Variants in GNAQ observed in about 807,000 individuals in gnomAD.
The protein encoded by GNAQ is guanine nucleotide-binding protein G(q) subunit alpha.
A neutral mutation model predicts 43.9 loss-of-function variants in GNAQ; 8 were observed. That is an observed-to-expected ratio of 0.18 (90% CI 0.11 to 0.33). GNAQ has a LOEUF of 0.33. GNAQ is among the 10% of genes least tolerant of loss of function. The pLI, the probability that GNAQ is intolerant of heterozygous loss-of-function variation, is 1.00. For synonymous variants in GNAQ, 155 were observed against 170.7 expected (o/e 0.91, Z 0.71); for missense variants, 158 against 450.8 (o/e 0.35, Z 5.88).
chr9:77,822,306 A>G (rs1473624822), intron 2 of GNAQ, among the ~76,000 whole-genome samples: 1 of 152,224 alleles, frequency 6.6e-6, no homozygotes, highest in Non-Finnish European at 1.5e-5. Flanking sequence ...TTATACCAAC[A>G]AAACAACTCA....
intron 3 of GNAQ, among the ~76,000 whole-genome samples, chr9:77,812,473 C>T (rs1274421451): frequency 4.6e-5 from 7 of 151,984 alleles, no homozygotes; most frequent in Non-Finnish European, 5.9e-5. Context: ...CAATGAGATC[C>T]AGGAGCAAGC....
chr9:77,795,964 TAAGGAG>T (rs1826651833), intron 4 of GNAQ, among the ~76,000 whole-genome samples: 1 of 152,140 alleles, frequency 6.6e-6, no homozygotes, highest in Non-Finnish European at 1.5e-5. Flanking sequence ...TGCGAAGCAA[TAAGGAG>T]ATGAAAATCC....
chr9:77,722,283 C>A (rs983718007), intron 6 of GNAQ, among the ~76,000 whole-genome samples: 8 of 151,880 alleles, frequency 5.3e-5, no homozygotes, highest in African/African-American at 1.7e-4. Context: ...ATTACTGGTG[C>A]CTGCCATCAT....
intron 1 of GNAQ, among the ~76,000 whole-genome samples, chr9:77,945,320 A>C (rs1187499376): frequency 6.6e-6 from 1 of 152,134 alleles, no homozygotes; most frequent in Non-Finnish European, 1.5e-5. Context: ...TTTACTCAAA[A>C]AGTAAGAAAA....
intron 5 of GNAQ, among the ~76,000 whole-genome samples, chr9:77,759,271 A>G (rs1269245595): frequency 6.6e-6 from 1 of 152,216 alleles, no homozygotes; most frequent in African/African-American, 2.4e-5. Flanking sequence ...GTTCTCTAAT[A>G]TCCTTAAACA....
chr9:77,995,084 G>T (rs1014396597), intron 1 of GNAQ, among the ~76,000 whole-genome samples: 1 of 152,122 alleles, frequency 6.6e-6, no homozygotes, highest in Non-Finnish European at 1.5e-5. Flanking sequence ...TTCTAAAATC[G>T]AAGTTAACAT....
Position 77,762,588 on chromosome 9 carries a change from T to A in GNAQ, c.735+31875A>T, listed in dbSNP as rs1224249521. Among the ~76,000 whole-genome samples the A allele has an allele frequency of 2.6e-4, 39 of 149,018 alleles. No homozygotes were observed. In the East Asian group the frequency reaches 7.9e-3, roughly 30 times the overall value. On this transcript the variant is annotated intron_variant, in intron 5 of 6. Transcript: ENST00000286548. Reference sequence around the variant, plus strand: ...CCCTCTGCCCGGCCACCACCCCATCTGGGAGGTGTGACCAACAGCCCATTG... The same window carrying A: ...CCCTCTGCCCGGCCACCACCCCATCAGGGAGGTGTGACCAACAGCCCATTG...
intron 1 of GNAQ, among the ~76,000 whole-genome samples, chr9:77,969,885 T>G (rs751932219): frequency 2.6e-5 from 4 of 152,190 alleles, no homozygotes; most frequent in Non-Finnish European, 4.4e-5. Context: ...TTTCTCTAAC[T>G]CACCACCAAA....
chr9:77,844,552 A>T (rs1310636406), intron 2 of GNAQ, among the ~76,000 whole-genome samples: 1 of 152,232 alleles, frequency 6.6e-6, no homozygotes, highest in African/African-American at 2.4e-5. Context: ...TGAAAATCAC[A>T]AACTGTAGGA....
chr9:77,794,521 A>G lies in GNAQ; in HGVS notation c.677T>C (p.Ile226Thr), dbSNP rs2118443641. 1 of 1,605,194 alleles carries G rather than the reference A, an allele frequency of 6.2e-7. No homozygotes were observed. The highest frequency in any genetic ancestry group is 8.5e-7 in the Non-Finnish European group (1 of 1,172,394). ...TTCACTAAGCGCTACTAGAAACATG[A>G]TAGAGGTGACATTTTCAAAGCAGTG... is the stretch of plus-strand genomic sequence containing the variant. The part of the protein sequence containing the change: ...WIHCFENVTS[I>T]MFLVALSEYD... The change falls in exon 5 of 7, where the codon ATC becomes ACC. Residue 226 changes from isoleucine (I) to threonine (T), a missense_variant. By Grantham distance (89) the Ile-to-Thr change is moderately conservative. Coordinates refer to ENST00000286548, the MANE Select transcript of GNAQ (RefSeq NM_002072.5).
intron 5 of GNAQ, among the ~76,000 whole-genome samples, chr9:77,777,001 C>T (rs979213759): frequency 6.6e-6 from 1 of 151,758 alleles, no homozygotes; most frequent in Non-Finnish European, 1.5e-5. Flanking sequence ...AAGCTTACTA[C>T]AAAAGACAGT....
chr9:78,006,301 C>T (rs1823705446), intron 1 of GNAQ, among the ~76,000 whole-genome samples: 1 of 152,094 alleles, frequency 6.6e-6, no homozygotes, highest in Non-Finnish European at 1.5e-5. Flanking sequence ...TATCTGGCTG[C>T]AATTATGTCA....
intron 5 of GNAQ, among the ~76,000 whole-genome samples, chr9:77,767,669 C>T (rs1251423105): frequency 2.0e-5 from 3 of 152,146 alleles, no homozygotes; most frequent in African/African-American, 7.2e-5. Flanking sequence ...GAAGAAAAGC[C>T]TCTTGTAAAA....
intron 1 of GNAQ, among the ~76,000 whole-genome samples, chr9:77,983,445 G>A (rs888350436): frequency 6.6e-6 from 1 of 152,162 alleles, no homozygotes; most frequent in African/African-American, 2.4e-5. Context: ...CACCCTGCTG[G>A]GAGATGACTC....
intron 1 of GNAQ, among the ~76,000 whole-genome samples, chr9:77,984,228 G>A (rs1019229337): frequency 5.3e-4 from 80 of 150,700 alleles, no homozygotes; most frequent in Non-Finnish European, 8.4e-4. Flanking sequence ...GGAGTGCAGT[G>A]GCATGATCTC....
chr9:77,974,965 C>T (rs1038574914), intron 1 of GNAQ, among the ~76,000 whole-genome samples: 2 of 152,202 alleles, frequency 1.3e-5, no homozygotes, highest in East Asian at 3.8e-4. Flanking sequence ...TAAAGTGGAT[C>T]ACTGTGAAGT....
chr9:77,837,390 T>C (rs1260835635), intron 2 of GNAQ, among the ~76,000 whole-genome samples: 4 of 151,890 alleles, frequency 2.6e-5, no homozygotes, highest in Non-Finnish European at 4.4e-5. Context: ...CCGTCTCTAC[T>C]AGAAACAAAA....
chr9:77,808,024 T>C (rs1826854376), intron 3 of GNAQ, among the ~76,000 whole-genome samples: 1 of 152,132 alleles, frequency 6.6e-6, no homozygotes, highest in Non-Finnish European at 1.5e-5. Flanking sequence ...TAATAGGCTT[T>C]AGCTAGGCAC....
At chr9:77,828,341 T>G (rs1827239949) in intron 2 of GNAQ, among the ~76,000 whole-genome samples, 1 of 152,120 alleles carries the variant, frequency 6.6e-6, no homozygotes, top group Non-Finnish European at 1.5e-5. Flanking sequence ...ACAATCTGAG[T>G]GTGTTGCCAG....
Sources: gnomAD v4.1 joint callset for allele counts (sites outside exome capture counted in the v4.1 genomes callset) on GRCh38, gnomAD v4.1.1 for gene constraint, MANE v1.5 for transcripts, NCBI Gene and HGNC (gene_info 2026-07-23, HGNC 2026-07-21) for gene names.